Variants in CDH8 observed in about 807,000 individuals in gnomAD.
The protein encoded by CDH8 is cadherin 8, also known as cadherin-8.
In CDH8, 17 loss-of-function variants were observed where a neutral mutation model predicts 68.1. The ratio of observed to expected loss-of-function variants is 0.25; its 90% CI spans 0.17 to 0.37. CDH8 has a LOEUF of 0.37. CDH8 is among the 10% of genes least tolerant of loss of function. The pLI, the probability that CDH8 is intolerant of heterozygous loss-of-function variation, is 1.00. For synonymous variants in CDH8, 372 were observed against 365.1 expected (o/e 1.02, Z -0.21); for missense variants, 763 against 999.3 (o/e 0.76, Z 3.19).
chr16:62,009,410 C>A (rs1050888688), intron 2 of CDH8, among the ~76,000 whole-genome samples: 1 of 152,194 alleles, frequency 6.6e-6, no homozygotes, highest in African/African-American at 2.4e-5. Flanking sequence ...ACAGATCCCA[C>A]CTCTGGAGCC....
At chr16:61,847,120 A>G (rs1021500555) in intron 4 of CDH8, among the ~76,000 whole-genome samples, 4 of 152,142 alleles carry the variant, frequency 2.6e-5, no homozygotes, top group Admixed American at 2.6e-4. Context: ...CTTCTGAAAA[A>G]GCCCATTTTT....
chr16:61,725,748 A>C (rs1473438680), intron 9 of CDH8: 5 of 150,946 alleles, frequency 3.3e-5, no homozygotes, highest in Non-Finnish European at 7.4e-5. Flanking sequence ...CCACATGATA[A>C]AATTAGGAAA....
At chr16:61,799,915 C>T (rs377605181) in intron 7 of CDH8, among the ~76,000 whole-genome samples, 147 of 152,106 alleles carry the variant, frequency 9.7e-4, no homozygotes, top group African/African-American at 3.4e-3. Context: ...TTCCCCCCCC[C>T]AAAGACAAGG....
rs570356279 is a variant in CDH8 at position 62,018,686 on chromosome 16, C to G, written c.252+2466G>C. On this transcript the variant is annotated intron_variant, in intron 2 of 11. Coordinates refer to ENST00000577390, the MANE Select transcript of CDH8 (RefSeq NM_001796.5). ...TGGGAAATGTTCGCAGAAAAGTTTTCCAGAAAATAAACTCTGACTTAACAA... is the reference window on the plus strand; with the variant it reads ...TGGGAAATGTTCGCAGAAAAGTTTTGCAGAAAATAAACTCTGACTTAACAA... Among the ~76,000 whole-genome samples, 6 of 152,262 alleles carry G rather than the reference C, an allele frequency of 3.9e-5. No individual in the cohort carries two copies. The East Asian group carries it at 1.2e-3, about 29-fold the overall frequency.
Position 61,655,384 on chromosome 16 carries a change from G to T in CDH8, c.1906+86C>A, listed in dbSNP as rs560509404. 5.2e-6 allele frequency: 7 copies of T among 1,357,442 alleles called. No individual in the cohort carries two copies. In the African/African-American group the frequency reaches 5.8e-5, roughly 11 times the overall value. 84.1% of individuals were successfully genotyped at this position (1,357,442 alleles called of 1,614,324 possible). A position where few individuals can be genotyped will look rare whatever the true frequency, so the allele number is the denominator to read the frequency against. Reference sequence around the variant, plus strand: ...CTTCCCCAACGGAATGCTCTTGCCTGTGTAGATCAGAGTTTTCTGTCCTTA... The same window carrying T: ...CTTCCCCAACGGAATGCTCTTGCCTTTGTAGATCAGAGTTTTCTGTCCTTA... On this transcript the variant is annotated intron_variant, in intron 11 of 11. Transcript: ENST00000577390.
intron 2 of CDH8, among the ~76,000 whole-genome samples, chr16:61,960,161 GTA>G (rs545718583): frequency 1.9e-4 from 20 of 105,462 alleles, no homozygotes; most frequent in Non-Finnish European, 3.2e-4. Context: ...ATGTGTGTGT[GTA>G]TACACATACA....
intron 10 of CDH8, among the ~76,000 whole-genome samples, chr16:61,687,510 A>G (rs1046828091): frequency 1.3e-5 from 2 of 151,954 alleles, no homozygotes; most frequent in Non-Finnish European, 2.9e-5. Context: ...TTTAATGGAT[A>G]TTATAAAGGT....
chr16:61,753,996 C>T (rs1454281748), intron 8 of CDH8, among the ~76,000 whole-genome samples: 1 of 152,056 alleles, frequency 6.6e-6, no homozygotes, highest in Non-Finnish European at 1.5e-5. Flanking sequence ...ACTACATATG[C>T]TACCCGTAAG....
chr16:61,727,340 G>A, intron 8 of CDH8, 125 bp from the exon 9 acceptor site: 1 of 943,968 alleles, frequency 1.1e-6, no homozygotes, highest in Non-Finnish European at 1.6e-6. Flanking sequence ...TCAACATGGT[G>A]ATTATAGAGT....
At chr16:61,751,791 T>C (rs542007599) in intron 8 of CDH8, among the ~76,000 whole-genome samples, 2 of 152,272 alleles carry the variant, frequency 1.3e-5, no homozygotes, top group African/African-American at 4.8e-5. Flanking sequence ...GTGGACTTTC[T>C]AGTTCAAATA....
chr16:62,033,147 T>A (rs1902367381), intron 1 of CDH8, among the ~76,000 whole-genome samples: 1 of 152,212 alleles, frequency 6.6e-6, no homozygotes, highest in South Asian at 2.1e-4. Context: ...CCTTCTCAAG[T>A]GGTCTTCTCC....
chr16:61,990,563 G>A (rs902750086), intron 2 of CDH8, among the ~76,000 whole-genome samples: 1 of 152,010 alleles, frequency 6.6e-6, no homozygotes, highest in Non-Finnish European at 1.5e-5. Context: ...CTGTAATCCA[G>A]TATTTTGGGA....
chr16:61,691,484 T>C (rs906067793), intron 10 of CDH8, among the ~76,000 whole-genome samples: 4 of 151,936 alleles, frequency 2.6e-5, no homozygotes, highest in African/African-American at 9.7e-5. Flanking sequence ...TCATTGTGCC[T>C]CTGTCACCCA....
At chr16:61,810,163 T>G (rs1203977694) in intron 7 of CDH8, among the ~76,000 whole-genome samples, 1 of 152,206 alleles carries the variant, frequency 6.6e-6, no homozygotes, top group Admixed American at 6.5e-5. Context: ...ATGAATCAGT[T>G]ATTATATTTC....
chr16:61,818,436 G>T (rs1025877671), intron 6 of CDH8, among the ~76,000 whole-genome samples: 1 of 152,112 alleles, frequency 6.6e-6, no homozygotes, highest in Non-Finnish European at 1.5e-5. Flanking sequence ...TTTAGAAGAA[G>T]AAATTATGTG....
At chr16:61,762,428 C>T (rs1475162826) in intron 8 of CDH8, among the ~76,000 whole-genome samples, 1 of 152,184 alleles carries the variant, frequency 6.6e-6, no homozygotes, top group African/African-American at 2.4e-5. Flanking sequence ...AAAAACAAAA[C>T]TTCCTGATGA....
rs972005471 is a variant in CDH8 at position 61,652,583 on chromosome 16, C to A, written c.*1025G>T. 1.0e-5 allele frequency: 11 copies of A among 1,050,200 alleles called. No individual in the cohort carries two copies. The highest frequency in any genetic ancestry group is 1.3e-5 in the Non-Finnish European group (11 of 859,396). The allele number at this position is 1,050,200 out of a possible 1,614,324, so 65.1% of individuals were successfully genotyped here. ...ATTAGCTCTCCTTTCGATAATATTG[C>A]CTGCCATACTCATCTCATCAAAATG... is the stretch of plus-strand genomic sequence containing the variant. On this transcript the variant is annotated 3_prime_UTR_variant, in exon 12 of 12. Coordinates refer to ENST00000577390, the MANE Select transcript of CDH8 (RefSeq NM_001796.5).
intron 2 of CDH8, among the ~76,000 whole-genome samples, chr16:61,986,410 A>C (rs1035648578): frequency 3.9e-5 from 6 of 152,040 alleles, no homozygotes; most frequent in Non-Finnish European, 7.4e-5. Flanking sequence ...AACTTCTAGG[A>C]TAATTAATCT....
chr16:61,672,560 A>G (rs1963819644), intron 10 of CDH8, among the ~76,000 whole-genome samples: 1 of 152,008 alleles, frequency 6.6e-6, no homozygotes, highest in Non-Finnish European at 1.5e-5. Flanking sequence ...CATGTGTAAA[A>G]TATTCAATAA....
Sources: gnomAD v4.1 joint callset for allele counts (sites outside exome capture counted in the v4.1 genomes callset) on GRCh38, gnomAD v4.1.1 for gene constraint, MANE v1.5 for transcripts, NCBI Gene and HGNC (gene_info 2026-07-23, HGNC 2026-07-21) for gene names.